The following AFAP1L2 variants were observed in gnomAD, a reference collection of about 807,000 sequenced individuals.
AFAP1L2 encodes actin filament associated protein 1 like 2.
AFAP1L2 carries 46 observed loss-of-function variants against 99.3 expected under a neutral mutation model. That is an observed-to-expected ratio of 0.46 (90% confidence interval 0.37 to 0.59). The LOEUF (loss-of-function observed/expected upper bound fraction) is 0.59. Ranked by LOEUF, AFAP1L2 falls within the 20% of genes least tolerant of loss-of-function variation. The pLI is 0.00. For synonymous variants in AFAP1L2, 397 were observed against 419.1 expected, an observed-to-expected ratio of 0.95 and a Z score of 0.64; for missense variants, 959 against 1,034.9, an observed-to-expected ratio of 0.93 and a Z score of 1.01.
intron 11 of AFAP1L2, 106 bp downstream of exon 11, chr10:114,304,613 G>T: frequency 9.1e-7 from 1 of 1,096,006 alleles, no homozygotes; most frequent in Non-Finnish European, 1.3e-6. Context: ...TAACACGCGG[G>T]GACATTGATT....
At chr10:114,401,818 G>C (rs1369578947) in intron 1 of AFAP1L2, among the ~76,000 whole-genome samples, 2 of 152,198 alleles carry the variant, frequency 1.3e-5, no homozygotes, top group African/African-American at 4.8e-5. Flanking sequence ...GCCCAAAAAT[G>C]ATAGGCTATT....
intron 1 of AFAP1L2, among the ~76,000 whole-genome samples, chr10:114,376,744 C>A (rs2054855245): frequency 6.6e-6 from 1 of 152,236 alleles, no homozygotes; most frequent in Admixed American, 6.5e-5. Context: ...ACATCCAGAA[C>A]TGTCGACACT....
At chr10:114,318,739 T>TAAAAAAAAAAAAAAAAA (rs1354030131) in intron 5 of AFAP1L2, among the ~76,000 whole-genome samples, 1 of 91,034 alleles carries the variant, frequency 1.1e-5, no homozygotes, top group Non-Finnish European at 2.3e-5. Flanking sequence ...AGACTCTGTC[T>TAAAAAAAAAAAAAAAAA]AAAAAAAAGA....
the AFAP1L2 span, chr10:114,285,793 G>C: frequency 2.4e-6 from 2 of 846,846 alleles, no homozygotes; most frequent in Non-Finnish European, 3.5e-6. Flanking sequence ...CTCTAACTCT[G>C]TGACGAGCAC....
chr10:114,379,960 G>A lies in AFAP1L2; in HGVS notation c.16+24480C>T, dbSNP rs2055383435. ...GCTTTGTATGTTTTCTGTGGCAAAT[G>A]CTTTTGCTATCCCTTTGTGAGGCGG... On this transcript the variant is annotated intron_variant, in intron 1 of 18. Transcript: ENST00000304129. 3.3e-5 allele frequency among the ~76,000 whole-genome samples: 5 copies of A among 152,332 alleles called. No homozygotes were observed. The South Asian group carries it at 1.0e-3, about 32-fold the overall frequency.
At chr10:114,311,784 G>A (rs952233266) in intron 7 of AFAP1L2, among the ~76,000 whole-genome samples, 4 of 152,162 alleles carry the variant, frequency 2.6e-5, no homozygotes, top group Admixed American at 6.5e-5. Context: ...TGGGACCGTC[G>A]TCCCATAGTC....
intron 1 of AFAP1L2, among the ~76,000 whole-genome samples, chr10:114,369,623 T>C (rs565664393): frequency 1.3e-5 from 2 of 151,690 alleles, no homozygotes; most frequent in African/African-American, 2.4e-5. Context: ...AAACTTTTTA[T>C]TATGAAAATT....
intron 1 of AFAP1L2, among the ~76,000 whole-genome samples, chr10:114,376,442 A>G (rs1338631734): frequency 6.6e-6 from 1 of 152,244 alleles, no homozygotes; most frequent in Non-Finnish European, 1.5e-5. Context: ...CTACTAAAGT[A>G]GCATCTGACT....
intron 1 of AFAP1L2, among the ~76,000 whole-genome samples, chr10:114,390,446 G>A (rs1183633741): frequency 6.6e-6 from 1 of 152,192 alleles, no homozygotes; most frequent in Non-Finnish European, 1.5e-5. Context: ...AAATCGGCCG[G>A]CTGCGGTGGC....
At chr10:114,319,686 G>A in intron 5 of AFAP1L2, 2 of 1,268,812 alleles carry the variant, frequency 1.6e-6, no homozygotes, top group Non-Finnish European at 2.1e-6. Context: ...GAAGAGAAGA[G>A]AGACAGAATG....
At position 114,377,399 on chromosome 10, in the gene AFAP1L2, G is replaced by C. The variant is rs1055499988; in HGVS notation, c.16+27041C>G. 6.6e-6 allele frequency among the ~76,000 whole-genome samples: 1 copy of C among 152,204 alleles called. No homozygotes were observed. The highest frequency in any genetic ancestry group is 2.4e-5 in the African/African-American group (1 of 41,456). On this transcript the variant is annotated intron_variant, in intron 1 of 18. Transcript: ENST00000304129. The surrounding 1 kb of genome is among the most constrained non-coding windows in gnomAD (Gnocchi z 4.0). ...TGGGTCAAGTCTGATCAAAGACAGTGAGGTGCTTCTTGGAAAGAAGTCACC... is the reference window on the plus strand; with the variant it reads ...TGGGTCAAGTCTGATCAAAGACAGTCAGGTGCTTCTTGGAAAGAAGTCACC...
the AFAP1L2 span, chr10:114,281,102 A>G: frequency 3.9e-5 from 6 of 152,322 alleles, no homozygotes; most frequent in East Asian, 7.7e-4. Flanking sequence ...ATTTTACCCC[A>G]GGGAAGACCC....
Position 114,299,539 on chromosome 10 carries a change from C to T in AFAP1L2, c.1958-124G>A. The T allele has an allele frequency of 3.5e-6, 4 of 1,129,038 alleles. No individual in the cohort carries two copies. In the South Asian group the frequency reaches 4.7e-5, roughly 13 times the overall value. 69.9% of individuals were successfully genotyped at this position (1,129,038 alleles called of 1,614,324 possible). On this transcript the variant is annotated intron_variant, in intron 15 of 18. Coordinates refer to ENST00000304129, the MANE Select transcript of AFAP1L2 (RefSeq NM_001001936.3). ...CACAAAGCCCTGCTAGGCTGGATGC[C>T]AGACCTGGACAGGTCCCTCTACCTC...
chr10:114,285,883 AGCTCGCATGCCGCATGACCATG>A, the AFAP1L2 span: 1 of 1,495,870 alleles, frequency 6.7e-7, no homozygotes, highest in Non-Finnish European at 9.0e-7. Flanking sequence ...CGGGTGGGAC[AGCTCGCATGCCGCATGACCATG>A]GCTTGACAGT....
rs1554902774 is a variant in AFAP1L2 at position 114,327,149 on chromosome 10, A to ATATT, written c.316-3889_316-3888insAATA. Among the ~76,000 whole-genome samples the ATATT allele has an allele frequency of 3.9e-3, 44 of 11,310 alleles. 4 individuals carry two copies. Among genetic ancestry groups the ATATT allele is most frequent in the Non-Finnish European group, 6.9e-3 (39 of 5,616 alleles). 7.4% of individuals were successfully genotyped at this position (11,310 alleles called of 152,430 possible). A position where few individuals can be genotyped will look rare whatever the true frequency, so the allele number is the denominator to read the frequency against. ...AAGACCGTGAATTTTATATATATTT[A>ATATT]TATATATATATATATATATATATAT... On this transcript the variant is annotated intron_variant, in intron 4 of 18. Coordinates refer to ENST00000304129, the MANE Select transcript of AFAP1L2 (RefSeq NM_001001936.3).
chr10:114,335,340 C>T lies in AFAP1L2; in HGVS notation c.146-2045G>A, dbSNP rs142537560. 1.2e-3 allele frequency among the ~76,000 whole-genome samples: 183 copies of T among 152,040 alleles called. 1 individual carries two copies. In the East Asian group the frequency reaches 0.015, roughly 13 times the overall value. Reference sequence around the variant, plus strand: ...AAAGAATACAACATATGGCCGGGCACGGTGGCTCACATCTGTAATCCCAGC... The same window carrying T: ...AAAGAATACAACATATGGCCGGGCATGGTGGCTCACATCTGTAATCCCAGC... On this transcript the variant is annotated intron_variant, in intron 2 of 18. Transcript: ENST00000304129.
chr10:114,404,519 G>A (rs931337529), upstream of AFAP1L2: 52 of 1,504,248 alleles, frequency 3.5e-5, 1 homozygote, highest in East Asian at 1.4e-3. Context: ...GCTCGGCTCA[G>A]CGCCCAGGCC....
chr10:114,314,275 C>G (rs2043766218), intron 6 of AFAP1L2, among the ~76,000 whole-genome samples: 1 of 152,236 alleles, frequency 6.6e-6, no homozygotes, highest in African/African-American at 2.4e-5. Context: ...AAGCCTCCTT[C>G]TCACTGGCCT....
In AFAP1L2 at chr10:114,321,072, G is replaced by A. The variant is rs181385121; in HGVS notation, c.406+2099C>T. 2.1e-3 allele frequency among the ~76,000 whole-genome samples: 322 copies of A among 152,306 alleles called. 1 individual carries two copies. The highest frequency in any genetic ancestry group is 7.5e-3 in the African/African-American group (310 of 41,556). ...GCAGGTAAGTGTGAAGGAAGGGCAGGGGAATCCCATCCCGCTCCCAGTCAC... is the reference window on the plus strand; with the variant it reads ...GCAGGTAAGTGTGAAGGAAGGGCAGAGGAATCCCATCCCGCTCCCAGTCAC... On this transcript the variant is annotated intron_variant, in intron 5 of 18. Coordinates refer to ENST00000304129, the MANE Select transcript of AFAP1L2 (RefSeq NM_001001936.3).
Sources: gnomAD v4.1 joint callset for allele counts (sites outside exome capture counted in the v4.1 genomes callset) on GRCh38, gnomAD v4.1.1 for gene constraint, Gnocchi (gnomAD v3.1) non-coding constraint, MANE v1.5 for transcripts, NCBI Gene and HGNC (gene_info 2026-07-23, HGNC 2026-07-21) for gene names.